Variants in TCEA3 observed in about 807,000 individuals in gnomAD.
TCEA3 encodes transcription elongation factor A protein 3.
A neutral mutation model predicts 44.0 loss-of-function variants in TCEA3; 36 were observed. The observed-to-expected ratio is 0.82, with a 90% CI of 0.63 to 1.08. TCEA3 has a LOEUF of 1.08. Ranked by LOEUF, TCEA3 falls within the 50% of genes least tolerant of loss-of-function variation. The pLI is 0.00. For synonymous variants in TCEA3, 162 were observed against 159.7 expected (o/e 1.01, Z -0.11); for missense variants, 392 against 441.2 (o/e 0.89, Z 1.00).
intron 5 of TCEA3, among the ~76,000 whole-genome samples, chr1:23,408,369 G>A (rs565185565): frequency 1.4e-4 from 22 of 152,318 alleles, no homozygotes; most frequent in African/African-American, 4.6e-4. Context: ...CCCCAGGGAA[G>A]GAGCCACACC....
chr1:23,420,854 C>T (rs1640042530), intron 1 of TCEA3, among the ~76,000 whole-genome samples: 2 of 152,186 alleles, frequency 1.3e-5, no homozygotes, highest in African/African-American at 4.8e-5. Context: ...CCATTTCAGC[C>T]TTCTCCTTTC....
intron 1 of TCEA3, among the ~76,000 whole-genome samples, chr1:23,424,329 C>T (rs1194753946): frequency 6.6e-6 from 1 of 152,098 alleles, no homozygotes. Context: ...GCACAAGTCG[C>T]GCCTCCGGGA....
At chr1:23,416,917 T>C (rs571927754) in intron 4 of TCEA3, among the ~76,000 whole-genome samples, 1 of 152,336 alleles carries the variant, frequency 6.6e-6, no homozygotes, top group South Asian at 2.1e-4. Context: ...ACCTAGGCTG[T>C]TGCCTGGGTG....
At chr1:23,424,125 A>G (rs1640146095) in intron 1 of TCEA3, among the ~76,000 whole-genome samples, 1 of 150,322 alleles carries the variant, frequency 6.7e-6, no homozygotes, top group South Asian at 2.1e-4. Context: ...CGTCAGCCCA[A>G]GTTTCTCTGC....
At chr1:23,412,734 C>T (rs1416908177) in intron 4 of TCEA3, among the ~76,000 whole-genome samples, 1 of 151,690 alleles carries the variant, frequency 6.6e-6, no homozygotes, top group Non-Finnish European at 1.5e-5. Context: ...GTACAGTCTG[C>T]CTAAAGGAAT....
chr1:23,423,876 C>T (rs779425107), intron 1 of TCEA3: 2 of 455,914 alleles, frequency 4.4e-6, no homozygotes, highest in African/African-American at 4.0e-5. Context: ...CGAGCCCGCT[C>T]CTCCCTCCGC....
In TCEA3 at chr1:23,417,900, T is replaced by C; in HGVS notation, c.238+4A>G. The C allele has an allele frequency of 3.7e-6, 6 of 1,613,950 alleles. No homozygotes were observed. The highest frequency in any genetic ancestry group is 5.1e-6 in the Non-Finnish European group (6 of 1,179,804). ...GGGCTCAAGACAACCTTGTCCTCTC[T>C]CACCTAGCAGCCGCTTCCAGTTTTT... On this transcript the variant is annotated splice_donor_region_variant and intron_variant, in intron 3 of 10. Coordinates refer to ENST00000450454, the MANE Select transcript of TCEA3 (RefSeq NM_003196.3).
intron 2 of TCEA3, 46 bp from the exon 3 acceptor site, chr1:23,418,055 G>A: frequency 1.9e-6 from 3 of 1,581,502 alleles, no homozygotes; most frequent in African/African-American, 1.3e-5. Context: ...TGGATACACA[G>A]GAATGGCTGC....
intron 10 of TCEA3, chr1:23,383,948 C>T: frequency 9.6e-7 from 1 of 1,040,518 alleles, no homozygotes; most frequent in Non-Finnish European, 1.2e-6. Flanking sequence ...TCCTGTTTCC[C>T]ATCCTTGGCT....
intron 5 of TCEA3, among the ~76,000 whole-genome samples, chr1:23,401,868 A>C (rs543106278): frequency 6.6e-6 from 1 of 152,164 alleles, no homozygotes; most frequent in Admixed American, 6.5e-5. Flanking sequence ...TGAGGGATCT[A>C]GGTTGCACGC....
chr1:23,395,672 A>G (rs532322625), intron 7 of TCEA3, among the ~76,000 whole-genome samples: 202 of 152,134 alleles, frequency 1.3e-3, no homozygotes, highest in African/African-American at 4.6e-3. Context: ...CAAAAAATAC[A>G]ACAAAATTAG....
chr1:23,382,049 A>ATTT (rs5773042), intron 10 of TCEA3, among the ~76,000 whole-genome samples: 7 of 144,140 alleles, frequency 4.9e-5, no homozygotes, highest in Non-Finnish European at 1.5e-5. Flanking sequence ...ATCACTCCCA[A>ATTT]TTTTTTTTTT....
intron 10 of TCEA3, among the ~76,000 whole-genome samples, chr1:23,382,045 C>T (rs549402548): frequency 8.5e-6 from 1 of 117,184 alleles, no homozygotes; most frequent in African/African-American, 2.6e-5. Context: ...TAATATCACT[C>T]CCAATTTTTT....
In TCEA3 at chr1:23,419,914, A is replaced by C. The variant is rs185431537; in HGVS notation, c.70-775T>G. On this transcript the variant is annotated intron_variant, in intron 1 of 10. Coordinates refer to ENST00000450454, the MANE Select transcript of TCEA3 (RefSeq NM_003196.3). ...ATAACTGCACACTTTGCAGTGTAAA[A>C]TTTGATAAGTTTCAACATACGTGTA... 2.0e-5 allele frequency among the ~76,000 whole-genome samples: 3 copies of C among 152,278 alleles called. No homozygotes were observed. In the East Asian group the frequency reaches 5.8e-4, roughly 29 times the overall value.
At chr1:23,387,880 C>T (rs900805214) in intron 8 of TCEA3, among the ~76,000 whole-genome samples, 6 of 152,118 alleles carry the variant, frequency 3.9e-5, no homozygotes, top group Admixed American at 1.3e-4. Context: ...GGAACCTTGG[C>T]GCAACTACCC....
chr1:23,419,946 T>C lies in TCEA3; in HGVS notation c.70-807A>G, dbSNP rs548493025. 5.9e-5 allele frequency among the ~76,000 whole-genome samples: 9 copies of C among 152,292 alleles called. No homozygotes were observed. The East Asian group carries it at 1.4e-3, about 23-fold the overall frequency. ...AAGTTTCAACATACGTGTACACCCA[T>C]GGAACCCTCACCACAATCAAGATAA... On this transcript the variant is annotated intron_variant, in intron 1 of 10. Transcript: ENST00000450454.
Position 23,424,630 on chromosome 1 carries a change from C to T in TCEA3, c.4G>A (p.Gly2Ser). The T allele has an allele frequency of 6.2e-7, 1 of 1,606,534 alleles. No individual in the cohort carries two copies. The highest frequency in any genetic ancestry group is 8.5e-7 in the Non-Finnish European group (1 of 1,178,784). The change falls in exon 1 of 11, where the codon GGC (glycine) becomes AGC (serine). Residue 2 changes from glycine to serine, a missense_variant. By Grantham distance (56) the Gly-to-Ser change is moderately conservative. Coordinates refer to ENST00000450454, the MANE Select transcript of TCEA3 (RefSeq NM_003196.3). Reference protein sequence around the residue: MGQEEELLRIAK... With the variant: MSQEEELLRIAK... ...ATCCTCAGCAGCTCCTCTTCCTGGC[C>T]CATGTTGGCCCGCGACGCCCGGCGG...
rs769626727 is a variant in TCEA3 at position 23,387,307 on chromosome 1, C to T, written c.932G>A (p.Ser311Asn). ...GGTTTDLFQCSKCKKKNCTYN... is the reference protein window; with the variant it reads ...GGTTTDLFQCNKCKKKNCTYN... Reference sequence around the variant, plus strand: ...GGTGCAGTTCTTCTTCTTGCATTTGCTGCACTGGAAGAGGTCAGTGGTGGT... The same window carrying T: ...GGTGCAGTTCTTCTTCTTGCATTTGTTGCACTGGAAGAGGTCAGTGGTGGT... The change falls in exon 9 of 11, where the codon AGC becomes AAC. Residue 311 changes from serine (S) to asparagine (N), a missense_variant. By Grantham distance (46) the Ser-to-Asn change is conservative. Transcript: ENST00000450454. 6 of 1,613,850 alleles carry T rather than the reference C, an allele frequency of 3.7e-6. No homozygotes were observed. In the Admixed American group the frequency reaches 5.0e-5, roughly 13 times the overall value.
At chr1:23,409,245 T>C (rs907752510) in intron 4 of TCEA3, among the ~76,000 whole-genome samples, 1 of 152,084 alleles carries the variant, frequency 6.6e-6, no homozygotes, top group Non-Finnish European at 1.5e-5. Flanking sequence ...CAAAATTAGA[T>C]GCGGACTGTG....
Sources: gnomAD v4.1 joint callset for allele counts (sites outside exome capture counted in the v4.1 genomes callset) on GRCh38, gnomAD v4.1.1 for gene constraint, MANE v1.5 for transcripts, NCBI Gene and HGNC (gene_info 2026-07-23, HGNC 2026-07-21) for gene names.